Variants in THNSL2 observed in about 807,000 individuals in gnomAD.
THNSL2 encodes threonine synthase-like 2.
In THNSL2, 34 loss-of-function variants were observed where a neutral mutation model predicts 40.0. The observed-to-expected ratio is 0.85, with a 90% CI of 0.65 to 1.13. The LOEUF (loss-of-function observed/expected upper bound fraction) is 1.13. THNSL2 is among the 50% of genes most tolerant of loss of function. The pLI, the probability that THNSL2 is intolerant of heterozygous loss-of-function variation, is 0.00. For missense variants in THNSL2, 537 were observed against 608.8 expected (o/e 0.88, Z 1.24); for synonymous variants, 241 against 247.5 (o/e 0.97, Z 0.25).
chr2:88,183,057 A>G lies in THNSL2; in HGVS notation c.1061A>G (p.Lys354Arg). ...FERTQSVNLP[K>R]ELHSKLSEAV... is the part of the protein sequence containing the mutation. ...AGGACCCAAAGTGTGAATCTGCCCA[A>G]GGAACTGCACAGCAAGGTCAGTCAC... is the stretch of plus-strand genomic sequence containing the variant. Residue 354 changes from lysine to arginine, a missense_variant, in exon 7 of 9, where the codon AAG (lysine) becomes AGG (arginine). Lys to Arg is a conservative substitution (Grantham distance 26). Coordinates refer to ENST00000674334, the MANE Select transcript of THNSL2 (RefSeq NM_018271.5). 1 of 1,613,304 alleles carries G rather than the reference A, an allele frequency of 6.2e-7. No homozygotes were observed.
chr2:88,181,650 T>C (rs1014430950), intron 5 of THNSL2, among the ~76,000 whole-genome samples: 3 of 151,704 alleles, frequency 2.0e-5, no homozygotes, highest in African/African-American at 7.3e-5. Flanking sequence ...TTTAAGTGTA[T>C]GATTCAGTGG....
At chr2:88,172,783 G>C (rs1004543270) in intron 1 of THNSL2, 1 of 170,814 alleles carries the variant, frequency 5.9e-6, no homozygotes, top group African/African-American at 2.4e-5. Context: ...GCCTTAGCAA[G>C]AGGGATATCA....
At chr2:88,183,871 C>T (rs1677974869) in intron 7 of THNSL2, 1 of 152,090 alleles carries the variant, frequency 6.6e-6, no homozygotes, top group Non-Finnish European at 1.5e-5. Context: ...TGCATACCTC[C>T]AGTGACCAGA....
At chr2:88,176,554 GAATGTTCCTTCTAC>G (rs1676959682) in intron 4 of THNSL2, 1 of 152,240 alleles carries the variant, frequency 6.6e-6, no homozygotes, top group African/African-American at 2.4e-5. Flanking sequence ...TGATGGCAGA[GAATGTTCCTTCTAC>G]AACTGGCCTG....
chr2:88,179,895 A>T (rs1385427610), intron 5 of THNSL2, among the ~76,000 whole-genome samples: 1 of 152,194 alleles, frequency 6.6e-6, no homozygotes. Flanking sequence ...TAGGGGAATT[A>T]CTGTTCCTGA....
chr2:88,174,823 T>C lies in THNSL2; in HGVS notation c.408T>C (p.Thr136=). Residue 136 remains threonine (T), a synonymous_variant, in exon 3 of 9, where the codon ACT becomes ACC. Coordinates refer to ENST00000674334, the MANE Select transcript of THNSL2 (RefSeq NM_018271.5). ...YFLEKREKHV[T]VVVGTSGDTG... is the part of the protein sequence containing the mutation. ...TGGAGAAGAGGGAGAAGCACGTCAC[T>C]GTGGTTGTAGGTGTGTTTTTGGGGC... The C allele has an allele frequency of 6.2e-7, 1 of 1,614,046 alleles. No homozygotes were observed. Among genetic ancestry groups the C allele is most frequent in the South Asian group, 1.1e-5 (1 of 91,078 alleles).
chr2:88,179,011 C>A lies in THNSL2; in HGVS notation c.800C>A (p.Ala267Glu). 6.2e-7 allele frequency: 1 copy of A among 1,614,154 alleles called. No individual in the cohort carries two copies. Among genetic ancestry groups the A allele is most frequent in the Non-Finnish European group, 8.5e-7 (1 of 1,179,996 alleles). ...CCAACAGGGGCTGCCGGTAACCTTG[C>A]AGGTAAGGAATCCCCGGGGCACAAA... ...VVPTGAAGNL[A>E]AGYIAQKIGL... Residue 267 changes from alanine (A) to glutamate (E), a missense_variant and splice_region_variant, in exon 5 of 9, where the codon GCA (alanine) becomes GAA (glutamate). By Grantham distance (107) the Ala-to-Glu change is moderately radical. Coordinates refer to ENST00000674334, the MANE Select transcript of THNSL2 (RefSeq NM_018271.5).
In THNSL2 at chr2:88,178,727, C is replaced by A; in HGVS notation, c.572-56C>A. ...GGGCCCTGTCGCAGGTGAGTGCTGA[C>A]CTCCTGGGGGTTCTACATGCTCCTG... On this transcript the variant is annotated intron_variant, in intron 4 of 8. Transcript: ENST00000674334. 3 of 1,596,374 alleles carry A rather than the reference C, an allele frequency of 1.9e-6. No individual in the cohort carries two copies. In the South Asian group the frequency reaches 3.3e-5, roughly 18 times the overall value.
intron 7 of THNSL2, 145 bp downstream of exon 7, chr2:88,183,218 G>A (rs971291596): frequency 1.8e-6 from 2 of 1,100,612 alleles, no homozygotes; most frequent in Non-Finnish European, 2.5e-6. Context: ...CACTTTACAT[G>A]GAATAATTTA....
chr2:88,174,564 A>G, intron 2 of THNSL2, 75 bp from the exon 3 acceptor site: 1 of 1,491,342 alleles, frequency 6.7e-7, no homozygotes, highest in Non-Finnish European at 9.1e-7. Flanking sequence ...TGGAAACTTT[A>G]TATTCAGAGA....
chr2:88,181,644 A>G (rs1034189321), intron 5 of THNSL2, among the ~76,000 whole-genome samples: 1 of 150,638 alleles, frequency 6.6e-6, no homozygotes, highest in East Asian at 2.0e-4. Context: ...ACACATTTTA[A>G]GTGTATGATT....
rs768088917 is a variant in THNSL2 at position 88,174,611 on chromosome 2, T to C, written c.224-28T>C. ...CTTGAGAAAGAGACCAGGCCCCTCA[T>C]TGGCTATCCACCCCACTACCCTCAC... On this transcript the variant is annotated intron_variant, in intron 2 of 8. Coordinates refer to ENST00000674334, the MANE Select transcript of THNSL2 (RefSeq NM_018271.5). The C allele has an allele frequency of 1.2e-5, 19 of 1,599,286 alleles. No homozygotes were observed. In the African/African-American group the frequency reaches 1.7e-4, roughly 15 times the overall value.
intron 5 of THNSL2, 146 bp from the exon 6 acceptor site, chr2:88,182,553 T>G: frequency 1.1e-6 from 1 of 914,916 alleles, no homozygotes; most frequent in Non-Finnish European, 1.5e-6. Context: ...GCGAGTTGCC[T>G]TTTCATTTTC....
At position 88,175,078 on chromosome 2, in the gene THNSL2, C is replaced by T. The variant is rs1676769026; in HGVS notation, c.419-171C>T. 3.9e-5 allele frequency among the ~76,000 whole-genome samples: 6 copies of T among 152,144 alleles called. No individual in the cohort carries two copies. In the South Asian group the frequency reaches 1.2e-3, roughly 32 times the overall value. ...ATGTGGTTCACAAGTTCACTTATGT[C>T]CTGAATTTTATCCGTGGATCCATGG... On this transcript the variant is annotated intron_variant, in intron 3 of 8. Transcript: ENST00000674334.
chr2:88,173,119 T>G lies in THNSL2; in HGVS notation c.-12-20T>G. ...TGGGAGCTTGGAGACCAGGTGCTTCTGGGACTGTCCTCTCTGCAGGCCTCC... is the reference window on the plus strand; with the variant it reads ...TGGGAGCTTGGAGACCAGGTGCTTCGGGGACTGTCCTCTCTGCAGGCCTCC... On this transcript the variant is annotated intron_variant, in intron 1 of 8. Coordinates refer to ENST00000674334, the MANE Select transcript of THNSL2 (RefSeq NM_018271.5). 2.0e-6 allele frequency: 3 copies of G among 1,477,940 alleles called. No individual in the cohort carries two copies. The South Asian group carries it at 4.3e-5, about 21-fold the overall frequency. 91.6% of individuals were successfully genotyped at this position (1,477,940 alleles called of 1,614,324 possible).
intron 4 of THNSL2, chr2:88,177,141 A>G (rs1348170264): frequency 6.6e-6 from 1 of 152,172 alleles, no homozygotes; most frequent in Non-Finnish European, 1.5e-5. Context: ...TAAATGCTGG[A>G]CCTGAAGGGG....
At chr2:88,173,936 G>A (rs1676637969) in intron 2 of THNSL2, among the ~76,000 whole-genome samples, 1 of 152,180 alleles carries the variant, frequency 6.6e-6, no homozygotes, top group Non-Finnish European at 1.5e-5. Context: ...ACTGGTCCAT[G>A]AGCCACACTT....
intron 1 of THNSL2, chr2:88,172,879 C>G (rs1676507649): frequency 3.3e-6 from 1 of 299,638 alleles, no homozygotes; most frequent in African/African-American, 2.2e-5. Context: ...TTCTCTTTTC[C>G]CGGCATGCTC....
chr2:88,179,386 G>A (rs990742596), intron 5 of THNSL2, among the ~76,000 whole-genome samples: 1 of 152,240 alleles, frequency 6.6e-6, no homozygotes, highest in Non-Finnish European at 1.5e-5. Flanking sequence ...CCCAATGTGA[G>A]GGCAAGCGGC....
Sources: gnomAD v4.1 joint callset for allele counts (sites outside exome capture counted in the v4.1 genomes callset) on GRCh38, gnomAD v4.1.1 for gene constraint, MANE v1.5 for transcripts, NCBI Gene and HGNC (gene_info 2026-07-23, HGNC 2026-07-21) for gene names.